The following PARD3B variants were observed in gnomAD, a reference collection of about 807,000 sequenced individuals.
The protein encoded by PARD3B is par-3 family cell polarity regulator beta.
In PARD3B, 103 loss-of-function variants were observed where a neutral mutation model predicts 130.2. The observed-to-expected ratio is 0.79, with a 90% CI of 0.67 to 0.93. PARD3B has a LOEUF of 0.93. PARD3B is among the 40% of genes least tolerant of loss of function. The pLI, the probability that PARD3B is intolerant of heterozygous loss-of-function variation, is 0.00. For synonymous variants in PARD3B, 583 were observed against 553.2 expected, an observed-to-expected ratio of 1.05 and a Z score of -0.76; for missense variants, 1,609 against 1,499.2, an observed-to-expected ratio of 1.07 and a Z score of -1.21.
intron 1 of PARD3B, among the ~76,000 whole-genome samples, chr2:204,660,694 T>G (rs952068751): frequency 6.6e-6 from 1 of 152,206 alleles, no homozygotes; most frequent in Non-Finnish European, 1.5e-5. Flanking sequence ...GTTACTACTC[T>G]TCCTATTTGG....
chr2:205,114,512 C>T (rs1028549106), intron 6 of PARD3B, among the ~76,000 whole-genome samples: 2 of 151,998 alleles, frequency 1.3e-5, no homozygotes, highest in Admixed American at 6.6e-5. Context: ...ATATCAAAGA[C>T]GAGACAAGTC....
chr2:204,614,903 T>G lies in PARD3B; in HGVS notation c.120+68784T>G, dbSNP rs1350723328. 2.0e-5 allele frequency among the ~76,000 whole-genome samples: 3 copies of G among 152,214 alleles called. No homozygotes were observed. The East Asian group carries it at 5.8e-4, about 29-fold the overall frequency. ...AGAACCATGAGCCAATTAAAACTCT[T>G]TCTTTATAAATTATGCAATCTCAGG... On this transcript the variant is annotated intron_variant, in intron 1 of 22. Coordinates refer to ENST00000406610, the MANE Select transcript of PARD3B (RefSeq NM_001302769.2).
chr2:205,086,098 G>A (rs141708845), intron 4 of PARD3B, among the ~76,000 whole-genome samples: 54 of 152,308 alleles, frequency 3.5e-4, no homozygotes, highest in African/African-American at 1.3e-3. Flanking sequence ...ATTAGTAGGT[G>A]CAGTTTACTA....
In PARD3B at chr2:205,550,203, C is replaced by T. The variant is rs1425735402; in HGVS notation, c.3181-3121C>T. 6.6e-6 allele frequency among the ~76,000 whole-genome samples: 1 copy of T among 152,156 alleles called. No homozygotes were observed. Among genetic ancestry groups the T allele is most frequent in the Non-Finnish European group, 1.5e-5 (1 of 68,024 alleles). On this transcript the variant is annotated intron_variant, in intron 21 of 22. Coordinates refer to ENST00000406610, the MANE Select transcript of PARD3B (RefSeq NM_001302769.2). This position sits in a 1 kb window ranked among gnomAD's most constrained non-coding sequence, Gnocchi z 4.5. The stretch of plus-strand genomic sequence containing the variant: ...AGAAAAACTCCTCCTCATCCATATT[C>T]AGGTTTGAGATGACGCTTCAACACC...
At chr2:205,531,420 A>G (rs1264369800) in intron 21 of PARD3B, among the ~76,000 whole-genome samples, 2 of 152,210 alleles carry the variant, frequency 1.3e-5, no homozygotes, top group East Asian at 1.9e-4. Flanking sequence ...TCGCCTGGGC[A>G]TGCAAGCCTT....
intron 1 of PARD3B, among the ~76,000 whole-genome samples, chr2:204,573,591 T>G (rs1263403799): frequency 6.6e-6 from 1 of 152,184 alleles, no homozygotes; most frequent in Non-Finnish European, 1.5e-5. Context: ...CAGGTTTTTG[T>G]TTGTGGTAAG....
intron 1 of PARD3B, among the ~76,000 whole-genome samples, chr2:204,562,185 A>G (rs1015665263): frequency 3.3e-5 from 5 of 152,116 alleles, no homozygotes; most frequent in African/African-American, 1.2e-4. Context: ...CTGAAAAAGT[A>G]GTTGGGGTGT....
At chr2:205,247,076 T>C (rs530860227) in intron 16 of PARD3B, among the ~76,000 whole-genome samples, 106 of 152,330 alleles carry the variant, frequency 7.0e-4, no homozygotes, top group African/African-American at 2.3e-3. Context: ...CTTATACATA[T>C]TGTTATAATA....
At chr2:204,706,974 T>G (rs903409870) in intron 2 of PARD3B, among the ~76,000 whole-genome samples, 1 of 152,196 alleles carries the variant, frequency 6.6e-6, no homozygotes, top group Non-Finnish European at 1.5e-5. Context: ...GATAAGGGAT[T>G]GTGGACCTGT....
intron 2 of PARD3B, among the ~76,000 whole-genome samples, chr2:204,902,286 G>A (rs2046888885): frequency 6.6e-6 from 1 of 152,104 alleles, no homozygotes. Flanking sequence ...CACGATTTTA[G>A]GGGTTAAAGT....
At chr2:204,986,270 C>A (rs1240212537) in intron 3 of PARD3B, among the ~76,000 whole-genome samples, 2 of 152,112 alleles carry the variant, frequency 1.3e-5, no homozygotes, top group African/African-American at 4.8e-5. Flanking sequence ...CAGTATGTAA[C>A]CCAACAGTTG....
chr2:204,931,619 G>GA (rs1052978976), intron 2 of PARD3B, among the ~76,000 whole-genome samples: 2 of 150,350 alleles, frequency 1.3e-5, no homozygotes, highest in African/African-American at 4.9e-5. Flanking sequence ...TTCTCCTAAG[G>GA]AAAAAAATAG....
intron 1 of PARD3B, among the ~76,000 whole-genome samples, chr2:204,621,079 C>T (rs1168755460): frequency 6.6e-6 from 1 of 152,094 alleles, no homozygotes; most frequent in Non-Finnish European, 1.5e-5. Flanking sequence ...TTCTTGAGGG[C>T]TTGAAAGGAA....
At chr2:204,926,526 A>G (rs1330883474) in intron 2 of PARD3B, among the ~76,000 whole-genome samples, 2 of 152,094 alleles carry the variant, frequency 1.3e-5, no homozygotes, top group Non-Finnish European at 2.9e-5. Context: ...CTGCAAGGGG[A>G]CTACACAGCT....
intron 2 of PARD3B, among the ~76,000 whole-genome samples, chr2:204,944,931 G>C (rs946773377): frequency 3.9e-5 from 6 of 152,194 alleles, no homozygotes; most frequent in Non-Finnish European, 7.3e-5. Flanking sequence ...ATTGCACAAA[G>C]TGCATTTGTC....
At chr2:204,986,101 CA>C (rs371839271) in intron 3 of PARD3B, among the ~76,000 whole-genome samples, 605 of 51,244 alleles carry the variant, frequency 0.012, 3 homozygotes, top group African/African-American at 0.043. Flanking sequence ...ACTCTGTCTC[CA>C]AAAAAAAAAA....
At chr2:204,563,697 A>T (rs1177468989) in intron 1 of PARD3B, among the ~76,000 whole-genome samples, 1 of 152,026 alleles carries the variant, frequency 6.6e-6, no homozygotes. Flanking sequence ...CCTTGTTCTC[A>T]TTTACCTTTT....
chr2:205,469,177 T>C (rs916078189), intron 20 of PARD3B, among the ~76,000 whole-genome samples: 1 of 152,162 alleles, frequency 6.6e-6, no homozygotes, highest in East Asian at 1.9e-4. Flanking sequence ...TCCTAAAGCA[T>C]TGGGTAGTCA....
In PARD3B at chr2:204,638,668, G is replaced by A. The variant is rs570110829; in HGVS notation, c.121-47513G>A. On this transcript the variant is annotated intron_variant, in intron 1 of 22. Coordinates refer to ENST00000406610, the MANE Select transcript of PARD3B (RefSeq NM_001302769.2). ...ATTTTATAGACTATGCCATCTGTAA[G>A]CATGCCAAGATTTTGGGGGGAGGAG... 2.6e-5 allele frequency among the ~76,000 whole-genome samples: 4 copies of A among 152,190 alleles called. No individual in the cohort carries two copies. The South Asian group carries it at 6.2e-4, about 24-fold the overall frequency.
Sources: gnomAD v4.1 joint callset for allele counts (sites outside exome capture counted in the v4.1 genomes callset) on GRCh38, gnomAD v4.1.1 for gene constraint, Gnocchi (gnomAD v3.1) non-coding constraint, MANE v1.5 for transcripts, NCBI Gene and HGNC (gene_info 2026-07-23, HGNC 2026-07-21) for gene names.